Variants in RNF213 observed in about 807,000 individuals in gnomAD.
RNF213 encodes E3 ubiquitin-protein ligase RNF213.
In RNF213, 341 loss-of-function variants were observed where a neutral mutation model predicts 514.4. That is an observed-to-expected ratio of 0.66 (90% CI 0.61 to 0.73). The LOEUF (loss-of-function observed/expected upper bound fraction) is 0.73. RNF213 is among the 30% of genes least tolerant of loss of function. RNF213 has a pLI of 0.00. For missense variants in RNF213, 5,767 were observed against 6,615.6 expected, an observed-to-expected ratio of 0.87 and a Z score of 4.45; for synonymous variants, 2,655 against 2,658.2, an observed-to-expected ratio of 1.00 and a Z score of 0.04.
In RNF213 at chr17:80,288,152, C is replaced by A; in HGVS notation, c.599C>A (p.Thr200Lys). 3 of 1,610,240 alleles carry A rather than the reference C, an allele frequency of 1.9e-6. No homozygotes were observed. Among genetic ancestry groups the A allele is most frequent in the Non-Finnish European group, 2.5e-6 (3 of 1,177,618 alleles). The change falls in exon 4 of 68, where the codon ACG becomes AAG. Residue 200 changes from threonine to lysine, a missense_variant. By Grantham distance (78) the Thr-to-Lys change is moderately conservative. Around this residue, in one of 13 missense-constraint regions of RNF213, gnomAD observed 509 missense variants for 496.7 expected, o/e 1.02. Coordinates refer to ENST00000582970, the MANE Select transcript of RNF213 (RefSeq NM_001256071.3). The surrounding 1 kb of genome is among the most constrained non-coding windows in gnomAD (Gnocchi z 4.9). ...AQSSPQFQDH[T>K]EGEDQDASIP... Reference sequence around the variant, plus strand: ...AGCAGCCCGCAATTCCAGGACCACACGGAAGGGGAGGACCAGGACGCTTCC... The same window carrying A: ...AGCAGCCCGCAATTCCAGGACCACAAGGAAGGGGAGGACCAGGACGCTTCC...
chr17:80,315,298 AGGTAATGGAGGTGATGGTGGTGGT>A lies in RNF213; in HGVS notation c.2812-1886_2812-1863del, dbSNP rs1444075031. Among the ~76,000 whole-genome samples the A allele has an allele frequency of 2.3e-4, 5 of 21,948 alleles. 2 individuals are homozygous for A. Among genetic ancestry groups the A allele is most frequent in the Admixed American group, 1.1e-3 (2 of 1,842 alleles). The allele number at this position is 21,948 out of a possible 152,430, so 14.4% of individuals were successfully genotyped here. A position where few individuals can be genotyped will look rare whatever the true frequency, so the allele number is the denominator to read the frequency against. ...GAGGTGATGGTGGTGGTGGTGGTGG[AGGTAATGGAGGTGATGGTGGTGGT>A]GGTGATGGTGGAGGTACTAGAGGTG... On this transcript the variant is annotated intron_variant, in intron 15 of 67. Coordinates refer to ENST00000582970, the MANE Select transcript of RNF213 (RefSeq NM_001256071.3).
At chr17:80,387,954 T>A (rs1176254226) in intron 63 of RNF213, among the ~76,000 whole-genome samples, 1 of 10,020 alleles carries the variant, frequency 1.0e-4, no homozygotes, top group Non-Finnish European at 4.1e-4. Flanking sequence ...AGCCCATGGA[T>A]TTTTTTTTTT....
At chr17:80,269,393 A>G (rs2043725950) in intron 2 of RNF213, among the ~76,000 whole-genome samples, 1 of 151,574 alleles carries the variant, frequency 6.6e-6, no homozygotes, top group African/African-American at 2.4e-5. Context: ...CCACCTATCC[A>G]TCTGTCCTAT....
chr17:80,306,152 G>T (rs2045349991), intron 11 of RNF213, 100 bp from the exon 12 acceptor site: 4 of 1,168,254 alleles, frequency 3.4e-6, no homozygotes, highest in Admixed American at 1.7e-5. Flanking sequence ...AATCATTTTT[G>T]AATTCGGGAC....
chr17:80,393,309 A>T, intron 67 of RNF213, 36 bp from the exon 68 acceptor site: 1 of 1,606,668 alleles, frequency 6.2e-7, no homozygotes. Flanking sequence ...CATGCTGAGG[A>T]GACTGTTTTA....
At chr17:80,334,570 A>G (rs1279468131) in intron 22 of RNF213, among the ~76,000 whole-genome samples, 3 of 151,412 alleles carry the variant, frequency 2.0e-5, no homozygotes, top group Admixed American at 6.6e-5. Context: ...TTTTTCTTCC[A>G]GTAGATTTTT....
At chr17:80,326,807 A>G (rs1485056972) in intron 18 of RNF213, among the ~76,000 whole-genome samples, 1 of 152,218 alleles carries the variant, frequency 6.6e-6, no homozygotes, top group East Asian at 1.9e-4. Context: ...TCACCTCATG[A>G]AAGACATCTT....
Position 80,360,206 on chromosome 17 carries a change from G to A in RNF213, c.11200G>A (p.Gly3734Arg). The A allele has an allele frequency of 6.2e-7, 1 of 1,611,984 alleles. No individual in the cohort carries two copies. The highest frequency in any genetic ancestry group is 8.5e-7 in the Non-Finnish European group (1 of 1,179,018). Residue 3734 changes from glycine (G) to arginine (R), a missense_variant and splice_region_variant, in exon 38 of 68, where the codon GGA becomes AGA. Physicochemically the swap from Gly to Arg is moderately radical, Grantham distance 125. Around this residue, in one of 13 missense-constraint regions of RNF213, gnomAD observed 355 missense variants for 358.0 expected, o/e 0.99. Transcript: ENST00000582970. ...GGCTCAGTACATCACAGACGCAGAAGGTGAGGCTACCTCAAGACAGGTCAG... is the reference window on the plus strand; with the variant it reads ...GGCTCAGTACATCACAGACGCAGAAAGTGAGGCTACCTCAAGACAGGTCAG... ...VQAQYITDAE[G>R]LPKKFVDIFQ...
At chr17:80,290,498 C>T (rs896427776) in intron 6 of RNF213, 72 bp from the exon 7 acceptor site, 61 of 1,543,460 alleles carry the variant, frequency 4.0e-5, no homozygotes, top group Non-Finnish European at 4.7e-5. Context: ...TGTGTGTGTG[C>T]GCGTGTGTGC....
intron 49 of RNF213, among the ~76,000 whole-genome samples, chr17:80,373,757 G>A (rs962510342): frequency 2.6e-5 from 4 of 152,052 alleles, no homozygotes; most frequent in Non-Finnish European, 4.4e-5. Context: ...AGCACTTTGG[G>A]AGGCCGAGGC....
In RNF213 at chr17:80,343,846, T is replaced by G; in HGVS notation, c.6184-11T>G. The stretch of plus-strand genomic sequence containing the variant: ...GTCGTGTGTTTACACCTCGTGCGAT[T>G]CTGTTCTTAGGTGCAGACTGGAATT... On this transcript the variant is annotated splice_polypyrimidine_tract_variant and intron_variant, in intron 27 of 67. Transcript: ENST00000582970. This position sits in a 1 kb window ranked among gnomAD's most constrained non-coding sequence, Gnocchi z 4.3. 6.2e-7 allele frequency: 1 copy of G among 1,614,180 alleles called. No homozygotes were observed. The highest frequency in any genetic ancestry group is 8.5e-7 in the Non-Finnish European group (1 of 1,180,016).
At position 80,288,134 on chromosome 17, in the gene RNF213, C is replaced by T. The variant is rs777537902; in HGVS notation, c.581C>T (p.Pro194Leu). 15 of 1,609,496 alleles carry T rather than the reference C, an allele frequency of 9.3e-6. No homozygotes were observed. Among genetic ancestry groups the T allele is most frequent in the Middle Eastern group, 1.6e-4 (1 of 6,068 alleles). The change falls in exon 4 of 68, where the codon CCG becomes CTG. Residue 194 changes from proline (P) to leucine (L), a missense_variant. Coordinates refer to ENST00000582970, the MANE Select transcript of RNF213 (RefSeq NM_001256071.3). The surrounding 1 kb of genome is among the most constrained non-coding windows in gnomAD (Gnocchi z 4.9). ...ACAGGAAGTGAGGCTCAGAGCAGCC[C>T]GCAATTCCAGGACCACACGGAAGGG... ...VATGSEAQSS[P>L]QFQDHTEGED...
chr17:80,314,017 AGGTGATGGTGGTGGTGGT>A (rs2045713762), intron 15 of RNF213, among the ~76,000 whole-genome samples: 1 of 85,162 alleles, frequency 1.2e-5, no homozygotes, highest in African/African-American at 6.3e-5. Flanking sequence ...GAGGTAATGG[AGGTGATGGTGGTGGTGGT>A]GGTGATGGTG....
chr17:80,336,092 C>A, intron 22 of RNF213, 69 bp from the exon 23 acceptor site: 1 of 1,294,652 alleles, frequency 7.7e-7, no homozygotes, highest in Non-Finnish European at 1.1e-6. Context: ...GTAAGGATTA[C>A]TGCCCAAGAC....
In RNF213 at chr17:80,377,886, TCG is replaced by T; in HGVS notation, c.13545+91_13545+92del. The stretch of plus-strand genomic sequence containing the variant: ...ATCGTGGGTCAGGAGAGTGAGGCTC[TCG>T]GCCTTCCAGGAGAGCACAGGCTCAC... On this transcript the variant is annotated intron_variant, in intron 54 of 67. Transcript: ENST00000582970. This position sits in a 1 kb window ranked among gnomAD's most constrained non-coding sequence, Gnocchi z 4.1. 6.8e-7 allele frequency: 1 copy of T among 1,462,358 alleles called. No individual in the cohort carries two copies. Among genetic ancestry groups the T allele is most frequent in the Non-Finnish European group, 9.6e-7 (1 of 1,042,756 alleles). The allele number at this position is 1,462,358 out of a possible 1,614,324, so 90.6% of individuals were successfully genotyped here.
At chr17:80,354,618 G>A in intron 36 of RNF213, 42 bp downstream of exon 36, 1 of 1,612,308 alleles carries the variant, frequency 6.2e-7, no homozygotes, top group Non-Finnish European at 8.5e-7. Context: ...CCAATCTGGT[G>A]GCAGCATGGG....
At chr17:80,276,688 G>T (rs1466019714) in intron 3 of RNF213, among the ~76,000 whole-genome samples, 2 of 152,156 alleles carry the variant, frequency 1.3e-5, no homozygotes, top group Non-Finnish European at 2.9e-5. Flanking sequence ...GTGTTGTACA[G>T]TGTTGGTGGA....
intron 1 of RNF213, among the ~76,000 whole-genome samples, chr17:80,261,265 C>T (rs1332438278): frequency 6.6e-6 from 1 of 152,164 alleles, no homozygotes; most frequent in Non-Finnish European, 1.5e-5. Context: ...ACAGCCGGAC[C>T]CGGGCCTGCA....
At chr17:80,322,206 G>T (rs2046163710) in intron 17 of RNF213, among the ~76,000 whole-genome samples, 1 of 120,628 alleles carries the variant, frequency 8.3e-6, no homozygotes, top group Non-Finnish European at 1.6e-5. Flanking sequence ...TGTCACCCAG[G>T]CTGGAATACA....
Sources: gnomAD v4.1 joint callset for allele counts (sites outside exome capture counted in the v4.1 genomes callset) on GRCh38, gnomAD v4.1.1 for gene constraint, gnomAD v4.1.1 regional missense constraint, Gnocchi (gnomAD v3.1) non-coding constraint, MANE v1.5 for transcripts, NCBI Gene and HGNC (gene_info 2026-07-23, HGNC 2026-07-21) for gene names.